PUM2: variants seen among roughly 807,000 people sequenced by gnomAD.
The protein encoded by PUM2 is pumilio homolog 2.
Under a neutral mutation model 124.5 loss-of-function variants are expected in PUM2, and 57 were observed. The observed-to-expected ratio is 0.46, with a 90% CI of 0.37 to 0.57. PUM2 has a LOEUF of 0.57. Among genes scored for constraint, PUM2 ranks in the 20% least tolerant of loss-of-function variants. The pLI is 0.00. For missense variants in PUM2, 1,065 were observed against 1,290.6 expected (o/e 0.83, Z 2.68); for synonymous variants, 460 against 446.1 (o/e 1.03, Z -0.39).
chr2:20,269,295 G>T (rs188778275), intron 13 of PUM2, among the ~76,000 whole-genome samples: 1 of 152,054 alleles, frequency 6.6e-6, no homozygotes, highest in Non-Finnish European at 1.5e-5. Context: ...CCGCCTCCCA[G>T]GTTCACGCCA....
At chr2:20,342,536 A>AGG (rs1182213469) in intron 1 of PUM2, among the ~76,000 whole-genome samples, 3 of 152,236 alleles carry the variant, frequency 2.0e-5, no homozygotes, top group African/African-American at 7.2e-5. Context: ...GTCATTTCCA[A>AGG]GACAACTTAA....
intron 7 of PUM2, among the ~76,000 whole-genome samples, chr2:20,305,565 C>T (rs1173744205): frequency 1.4e-5 from 2 of 146,958 alleles, no homozygotes; most frequent in Non-Finnish European, 3.0e-5. Flanking sequence ...TACACAGAGA[C>T]TAATTTCATC....
chr2:20,319,867 T>C (rs1193494070), intron 2 of PUM2, among the ~76,000 whole-genome samples: 5 of 152,200 alleles, frequency 3.3e-5, no homozygotes, highest in Non-Finnish European at 5.9e-5. Context: ...GGTGACACTA[T>C]GTACTACAAA....
At position 20,318,726 on chromosome 2, in the gene PUM2, C is replaced by CTATG. The variant is rs548030712; in HGVS notation, c.52-85_52-82dup. On this transcript the variant is annotated intron_variant, in intron 2 of 20. Coordinates refer to ENST00000361078, the MANE Select transcript of PUM2 (RefSeq NM_015317.5). ...ATAAGAAGTCTCAAACATATCACTG[C>CTATG]TATGTATACATTAGTTTTCAATGCT... The CTATG allele has an allele frequency of 1.0e-4, 95 of 937,722 alleles. No individual in the cohort carries two copies. In the African/African-American group the frequency reaches 1.3e-3, roughly 13 times the overall value. 58.1% of individuals were successfully genotyped at this position (937,722 alleles called of 1,614,324 possible).
chr2:20,330,774 G>A (rs1243138052), intron 1 of PUM2, among the ~76,000 whole-genome samples: 1 of 152,228 alleles, frequency 6.6e-6, no homozygotes, highest in East Asian at 1.9e-4. Context: ...TGGTCAGTGA[G>A]AAGTCTATGT....
chr2:20,286,984 G>A (rs1227452995), intron 10 of PUM2, among the ~76,000 whole-genome samples: 1 of 151,758 alleles, frequency 6.6e-6, no homozygotes, highest in Non-Finnish European at 1.5e-5. Context: ...TATGAAGAGT[G>A]GGAAAAGGAA....
chr2:20,259,702 G>A (rs1665707142), intron 15 of PUM2, among the ~76,000 whole-genome samples: 1 of 152,192 alleles, frequency 6.6e-6, no homozygotes, highest in Non-Finnish European at 1.5e-5. Flanking sequence ...CACTTGGGCT[G>A]TTTCCGCCTT....
intron 12 of PUM2, among the ~76,000 whole-genome samples, chr2:20,280,020 A>C (rs1324359959): frequency 2.0e-5 from 3 of 152,142 alleles, no homozygotes; most frequent in Non-Finnish European, 4.4e-5. Context: ...AAGGGATCTA[A>C]GTTTCTATTA....
chr2:20,346,997 CTT>C (rs1039361053), intron 1 of PUM2, among the ~76,000 whole-genome samples: 1 of 152,130 alleles, frequency 6.6e-6, no homozygotes, highest in Non-Finnish European at 1.5e-5. Context: ...CATGCTACTT[CTT>C]TTTTTGCACT....
At chr2:20,306,970 T>C (rs1295886698) in intron 7 of PUM2, among the ~76,000 whole-genome samples, 1 of 150,120 alleles carries the variant, frequency 6.7e-6, no homozygotes, top group African/African-American at 2.4e-5. Context: ...TCCCAGCACT[T>C]TGGGAGGCCG....
intron 13 of PUM2, among the ~76,000 whole-genome samples, chr2:20,277,053 T>G (rs898814356): frequency 1.3e-5 from 2 of 152,110 alleles, no homozygotes; most frequent in Admixed American, 6.6e-5. Context: ...ATATCCGATT[T>G]CTAAGCAAGC....
At chr2:20,287,037 T>C (rs760735377) in intron 10 of PUM2, among the ~76,000 whole-genome samples, 22 of 151,744 alleles carry the variant, frequency 1.4e-4, no homozygotes, top group Admixed American at 2.6e-4. Context: ...ACATGGGGAA[T>C]TGAAAAACAA....
rs1450184881 is a variant in PUM2 at position 20,336,703 on chromosome 2, G to GTGTGTT, written c.-18-9326_-18-9325insAACACA. ...AATTTGTGTGTGTGTGTGTGTGTGT[G>GTGTGTT]TGTGTGTGTTACAGACGGGGTCTCA... On this transcript the variant is annotated intron_variant, in intron 1 of 20. Coordinates refer to ENST00000361078, the MANE Select transcript of PUM2 (RefSeq NM_015317.5). 9.3e-4 allele frequency among the ~76,000 whole-genome samples: 137 copies of GTGTGTT among 147,460 alleles called. 1 individual carries two copies. Among genetic ancestry groups the GTGTGTT allele is most frequent in the African/African-American group, 3.6e-3 (136 of 38,270 alleles).
chr2:20,257,086 ATAT>A (rs1410954905), intron 16 of PUM2, among the ~76,000 whole-genome samples: 2 of 150,518 alleles, frequency 1.3e-5, no homozygotes, highest in Admixed American at 1.3e-4. Flanking sequence ...AATCCAAATA[ATAT>A]TGTTATTCAT....
At chr2:20,278,844 T>C in intron 12 of PUM2, 25 bp from the exon 13 acceptor site, 1 of 1,557,148 alleles carries the variant, frequency 6.4e-7, no homozygotes, top group Non-Finnish European at 8.8e-7. Flanking sequence ...AAAAAAACCC[T>C]AATTACATAC....
chr2:20,260,394 T>C lies in PUM2; in HGVS notation c.2298A>G (p.Ala766=). 1 of 1,612,826 alleles carries C rather than the reference T, an allele frequency of 6.2e-7. No individual in the cohort carries two copies. The highest frequency in any genetic ancestry group is 8.5e-7 in the Non-Finnish European group (1 of 1,179,026). ...RQMVFNEILQ[A]AYQLMTDVFG... is the part of the protein sequence containing the mutation. ...AAACATCAGTCATTAATTGATAGGC[T>C]GCTTGCAGAATTTCATTAAATACCA... is the stretch of plus-strand genomic sequence containing the variant. Residue 766 remains alanine (A), a synonymous_variant, in exon 15 of 21, where the codon GCA becomes GCG. Coordinates refer to ENST00000361078, the MANE Select transcript of PUM2 (RefSeq NM_015317.5).
intron 13 of PUM2, among the ~76,000 whole-genome samples, chr2:20,272,155 A>AAATGAATG (rs60522777): frequency 0.21 from 30,994 of 148,052 alleles, 3,432 homozygotes; most frequent in Middle Eastern, 0.27. Context: ...AGACTTCGTC[A>AAATGAATG]AATGAATGAA....
chr2:20,351,182 C>T (rs1689306289), upstream of PUM2, among the ~76,000 whole-genome samples: 1 of 152,202 alleles, frequency 6.6e-6, no homozygotes, highest in African/African-American at 2.4e-5. Flanking sequence ...CCTCGGCTTC[C>T]TACCCGGTTG....
rs774868626 is a variant in PUM2, at chr2:20,344,504, T to G, written c.-19+6093A>C. On this transcript the variant is annotated intron_variant, in intron 1 of 20. Transcript: ENST00000361078. ...AATTATAATCCTGGACTGTCCATAT[T>G]AGATAAAGGACTTCAATCTGGTGGG... Among the ~76,000 whole-genome samples, 11 of 152,188 alleles carry G rather than the reference T, an allele frequency of 7.2e-5. 1 individual carries two copies. Among genetic ancestry groups the G allele is most frequent in the Non-Finnish European group, 1.2e-4 (8 of 68,024 alleles).
Sources: allele counts gnomAD v4.1 joint callset (sites outside exome capture counted in the v4.1 genomes callset), GRCh38; gene constraint gnomAD v4.1.1; transcripts MANE v1.5; gene names NCBI Gene and HGNC (gene_info 2026-07-23, HGNC 2026-07-21).